Variants in LSMEM1 observed in about 807,000 individuals in gnomAD.
LSMEM1 encodes the protein leucine rich single-pass membrane protein 1, also known as leucine-rich single-pass membrane protein 1.
A neutral mutation model predicts 11.3 loss-of-function variants in LSMEM1; 10 were observed. That is an observed-to-expected ratio of 0.89 (90% CI 0.55 to 1.50). LSMEM1 has a LOEUF of 1.50. Among genes scored for constraint, LSMEM1 ranks in the 40% most tolerant of loss-of-function variants. The probability of loss-of-function intolerance (pLI) is 0.00; values close to 1 mark genes in which losing one functional copy is unlikely to be tolerated. For synonymous variants in LSMEM1, 65 were observed against 59.3 expected (o/e 1.10, Z -0.44); for missense variants, 151 against 152.9 (o/e 0.99, Z 0.06).
At chr7:112,480,367 C>G (rs1280316987), upstream of LSMEM1, among the ~76,000 whole-genome samples, 2 of 152,178 alleles carry the variant, frequency 1.3e-5, no homozygotes, top group African/African-American at 4.8e-5. Context: ...AAGACTCTGT[C>G]TCAAAGAAAA....
intron 1 of LSMEM1, among the ~76,000 whole-genome samples, chr7:112,481,594 T>C (rs1017932243): frequency 1.2e-4 from 18 of 152,324 alleles, no homozygotes; most frequent in Non-Finnish European, 1.6e-4. Flanking sequence ...AATTCTGATT[T>C]TGTGGCAAGC....
intron 2 of LSMEM1, 119 bp from the exon 3 acceptor site, chr7:112,486,804 T>C: frequency 7.2e-7 from 1 of 1,386,270 alleles, no homozygotes; most frequent in East Asian, 2.3e-5. Flanking sequence ...TCTAGGCTTG[T>C]CAGAGAGAAA....
At chr7:112,483,810 T>C (rs1476077255) in intron 1 of LSMEM1, among the ~76,000 whole-genome samples, 2 of 152,204 alleles carry the variant, frequency 1.3e-5, no homozygotes, top group Non-Finnish European at 2.9e-5. Context: ...GCGGAAAGGA[T>C]GGGAACTAAA....
chr7:112,482,657 A>G (rs530658180), intron 1 of LSMEM1, among the ~76,000 whole-genome samples: 1 of 152,340 alleles, frequency 6.6e-6, no homozygotes, highest in Admixed American at 6.5e-5. Context: ...GAATTGTTTT[A>G]AAATCTGTGA....
upstream of LSMEM1, among the ~76,000 whole-genome samples, chr7:112,480,566 A>G (rs1342634277): frequency 6.6e-6 from 1 of 152,212 alleles, no homozygotes; most frequent in East Asian, 1.9e-4. Flanking sequence ...AGCAGAGGGC[A>G]GAAGCTCCTT....
chr7:112,490,042 C>T lies in LSMEM1; in HGVS notation c.*93C>T. On this transcript the variant is annotated 3_prime_UTR_variant, in exon 4 of 4. Coordinates refer to ENST00000312849, the MANE Select transcript of LSMEM1 (RefSeq NM_182597.3). ...TAGGAACTGAGAAAGTGCACTTCCT[C>T]AGGCAACAGATGATCTGGTCAGGCA... 7.1e-7 allele frequency: 1 copy of T among 1,410,626 alleles called. No individual in the cohort carries two copies. The highest frequency in any genetic ancestry group is 9.5e-7 in the Non-Finnish European group (1 of 1,049,390). The allele number at this position is 1,410,626 out of a possible 1,614,324, so 87.4% of individuals were successfully genotyped here.
intron 1 of LSMEM1, among the ~76,000 whole-genome samples, chr7:112,482,249 G>A (rs959970739): frequency 5.9e-5 from 9 of 152,278 alleles, no homozygotes; most frequent in African/African-American, 1.7e-4. Context: ...TTCAAAGCAC[G>A]TCATGGCTCA....
chr7:112,483,987 A>T (rs547717332), intron 1 of LSMEM1, among the ~76,000 whole-genome samples: 3 of 152,370 alleles, frequency 2.0e-5, no homozygotes, highest in Admixed American at 2.0e-4. Context: ...ACATCTCCAC[A>T]TAAACCTTTT....
At position 112,490,203 on chromosome 7, in the gene LSMEM1, G is replaced by A. The variant is rs377443299; in HGVS notation, c.*254G>A. On this transcript the variant is annotated 3_prime_UTR_variant, in exon 4 of 4. Transcript: ENST00000312849. ...TAGGGCACTTCAACTTTAATGGGGT[G>A]GGCGGCTAGCAGGGAGGAGAATCAA... 5 of 385,226 alleles carry A rather than the reference G, an allele frequency of 1.3e-5. No individual in the cohort carries two copies. The highest frequency in any genetic ancestry group is 4.3e-5 in the Admixed American group (1 of 23,506). 23.9% of individuals were successfully genotyped at this position (385,226 alleles called of 1,614,324 possible).
chr7:112,486,008 T>TA (rs1362985689), intron 2 of LSMEM1: 1 of 151,996 alleles, frequency 6.6e-6, no homozygotes, highest in Non-Finnish European at 1.5e-5. Flanking sequence ...AAGCTGTCGA[T>TA]AAAATGTAGC....
intron 1 of LSMEM1, 38 bp from the exon 2 acceptor site, chr7:112,484,774 C>A: frequency 6.2e-7 from 1 of 1,601,150 alleles, no homozygotes; most frequent in Non-Finnish European, 8.5e-7. Flanking sequence ...AGTTCACAAG[C>A]CCAACCTCTT....
rs1198793035 is a variant in LSMEM1, at chr7:112,490,842, AGCATATG to A, written c.*894_*900del. 6.6e-6 allele frequency: 1 copy of A among 152,236 alleles called. No individual in the cohort carries two copies. Among genetic ancestry groups the A allele is most frequent in the African/African-American group, 2.4e-5 (1 of 41,462 alleles). The allele number at this position is 152,236 out of a possible 1,614,324, so 9.4% of individuals were successfully genotyped here. A position where few individuals can be genotyped will look rare whatever the true frequency, so the allele number is the denominator to read the frequency against. On this transcript the variant is annotated 3_prime_UTR_variant, in exon 4 of 4. Coordinates refer to ENST00000312849, the MANE Select transcript of LSMEM1 (RefSeq NM_182597.3). ...TTCCAGCAATGAAAGTAAGACACAC[AGCATATG>A]ACATAAGACACAGTGTGAAATAAAT...
intron 3 of LSMEM1, among the ~76,000 whole-genome samples, chr7:112,487,640 G>A (rs1397047672): frequency 2.0e-5 from 3 of 152,260 alleles, no homozygotes; most frequent in African/African-American, 7.2e-5. Context: ...GTGACCTTGA[G>A]TGGTGACTCA....
chr7:112,482,485 T>A (rs1796050308), intron 1 of LSMEM1, among the ~76,000 whole-genome samples: 1 of 152,172 alleles, frequency 6.6e-6, no homozygotes, highest in Non-Finnish European at 1.5e-5. Flanking sequence ...AAGTCAGAGA[T>A]CCAAAAATGA....
chr7:112,480,501 T>A (rs1289248878), upstream of LSMEM1, among the ~76,000 whole-genome samples: 1 of 152,220 alleles, frequency 6.6e-6, no homozygotes, highest in Admixed American at 6.5e-5. Context: ...AACCTCACTG[T>A]TAGTATCCTG....
intron 2 of LSMEM1, 55 bp downstream of exon 2, chr7:112,484,998 A>G: frequency 6.4e-7 from 1 of 1,556,276 alleles, no homozygotes. Flanking sequence ...GCTACCTAAA[A>G]ATAGCCACTG....
intron 3 of LSMEM1, among the ~76,000 whole-genome samples, chr7:112,487,692 C>G (rs1025289169): frequency 2.0e-5 from 3 of 152,240 alleles, no homozygotes; most frequent in African/African-American, 7.2e-5. Flanking sequence ...ATCCTTCAAG[C>G]CTTCAGCGCC....
intron 3 of LSMEM1, among the ~76,000 whole-genome samples, chr7:112,488,604 ATTATTT>A (rs1796181648): frequency 1.5e-5 from 2 of 129,804 alleles, no homozygotes; most frequent in African/African-American, 3.1e-5. Context: ...TATTATTATT[ATTATTT>A]TTATTTTTAA....
chr7:112,486,775 CA>C (rs925655074), intron 2 of LSMEM1, 147 bp from the exon 3 acceptor site: 839 of 1,090,758 alleles, frequency 7.7e-4, no homozygotes, highest in South Asian at 8.8e-4. Context: ...GACTCTGTCT[CA>C]AAAAAAAAGA....
Sources: allele counts gnomAD v4.1 joint callset (sites outside exome capture counted in the v4.1 genomes callset), GRCh38; gene constraint gnomAD v4.1.1; transcripts MANE v1.5; gene names NCBI Gene and HGNC (gene_info 2026-07-23, HGNC 2026-07-21).